The following SLC24A2 variants were observed in gnomAD, a reference collection of about 807,000 sequenced individuals.
The protein encoded by SLC24A2 is sodium/potassium/calcium exchanger 2.
SLC24A2 carries 36 observed loss-of-function variants against 62.0 expected under a neutral mutation model. That is an observed-to-expected ratio of 0.58 (90% CI 0.44 to 0.77). The LOEUF is 0.77. Among genes scored for constraint, SLC24A2 ranks in the 30% least tolerant of loss-of-function variants. The pLI, the probability that SLC24A2 is intolerant of heterozygous loss-of-function variation, is 0.00. For synonymous variants in SLC24A2, 358 were observed against 294.0 expected (o/e 1.22, Z -2.23); for missense variants, 846 against 817.9 (o/e 1.03, Z -0.42).
the SLC24A2 span, among the ~76,000 whole-genome samples, chr9:19,982,378 G>C: frequency 6.6e-6 from 1 of 152,184 alleles, no homozygotes; most frequent in Non-Finnish European, 1.5e-5. Context: ...AGCACAGTCA[G>C]TTCACAAAAG....
the SLC24A2 span, among the ~76,000 whole-genome samples, chr9:20,088,098 C>T: frequency 6.6e-6 from 1 of 152,314 alleles, no homozygotes; most frequent in Admixed American, 6.5e-5. Flanking sequence ...GATACCTGGG[C>T]TTCCCAGGAA....
At chr9:20,217,669 TAG>T in the SLC24A2 span, among the ~76,000 whole-genome samples, 2,066 of 152,282 alleles carry the variant, frequency 0.014, 23 homozygotes, top group Non-Finnish European at 0.02. Flanking sequence ...GAAACTGCAC[TAG>T]AGACTCCATT....
chr9:19,730,271 T>C (rs1564067987), intron 2 of SLC24A2, among the ~76,000 whole-genome samples: 1 of 152,204 alleles, frequency 6.6e-6, no homozygotes, highest in African/African-American at 2.4e-5. Context: ...CTTGGCAATA[T>C]GTATCAAGAT....
the SLC24A2 span, among the ~76,000 whole-genome samples, chr9:20,277,905 C>T: frequency 7.6e-4 from 116 of 152,222 alleles, no homozygotes; most frequent in Admixed American, 5.8e-3. Flanking sequence ...ACTATGCAAT[C>T]ATAAAAAAGG....
intron 4 of SLC24A2, among the ~76,000 whole-genome samples, chr9:19,619,077 T>C (rs1431899461): frequency 1.3e-5 from 2 of 152,150 alleles, no homozygotes; most frequent in African/African-American, 2.4e-5. Flanking sequence ...TTTAGATGCA[T>C]AGATGCTCAC....
the SLC24A2 span, among the ~76,000 whole-genome samples, chr9:20,143,914 G>A: frequency 0.018 from 2,776 of 152,210 alleles, 34 homozygotes; most frequent in Middle Eastern, 0.061. Context: ...CAACACTGCC[G>A]TGCCTTCCTG....
At chr9:20,080,790 A>T in the SLC24A2 span, among the ~76,000 whole-genome samples, 2 of 151,854 alleles carry the variant, frequency 1.3e-5, no homozygotes, top group Non-Finnish European at 2.9e-5. Flanking sequence ...AGAAAAAAAC[A>T]AACAACCCCA....
At chr9:19,564,144 C>T (rs536286576) in intron 7 of SLC24A2, among the ~76,000 whole-genome samples, 4 of 152,030 alleles carry the variant, frequency 2.6e-5, no homozygotes, top group African/African-American at 9.7e-5. Flanking sequence ...AGGTGTGAGC[C>T]ACCATGCCTG....
chr9:19,552,833 A>G (rs1173420093), intron 7 of SLC24A2, among the ~76,000 whole-genome samples: 1 of 152,252 alleles, frequency 6.6e-6, no homozygotes, highest in Non-Finnish European at 1.5e-5. Context: ...CATTGCCACT[A>G]GCAAATAGCA....
the SLC24A2 span, among the ~76,000 whole-genome samples, chr9:20,255,812 G>A: frequency 6.6e-6 from 1 of 152,172 alleles, no homozygotes; most frequent in African/African-American, 2.4e-5. Flanking sequence ...AGAATTCATG[G>A]TCATACTTAA....
At chr9:19,521,728 T>G (rs1299975312) in intron 9 of SLC24A2, among the ~76,000 whole-genome samples, 1 of 152,166 alleles carries the variant, frequency 6.6e-6, no homozygotes, top group East Asian at 1.9e-4. Context: ...ATCCTCACTT[T>G]CTCATCCATA....
chr9:19,642,248 G>A (rs1261646816), intron 2 of SLC24A2, among the ~76,000 whole-genome samples: 1 of 152,154 alleles, frequency 6.6e-6, no homozygotes, highest in African/African-American at 2.4e-5. Flanking sequence ...TACCAGCTGG[G>A]TCTGCACAGC....
the SLC24A2 span, among the ~76,000 whole-genome samples, chr9:20,258,824 T>C: frequency 0.034 from 4,831 of 143,404 alleles, 71 homozygotes; most frequent in Middle Eastern, 0.073. Context: ...ACCTTATCTA[T>C]CTATCTATCT....
chr9:20,294,384 G>T, the SLC24A2 span, among the ~76,000 whole-genome samples: 1 of 152,164 alleles, frequency 6.6e-6, no homozygotes, highest in Non-Finnish European at 1.5e-5. Context: ...GGGGCTGATT[G>T]TTGCTTCCCA....
intron 2 of SLC24A2, among the ~76,000 whole-genome samples, chr9:19,761,174 CA>C (rs1324500647): frequency 1.3e-5 from 2 of 152,100 alleles, no homozygotes; most frequent in Non-Finnish European, 2.9e-5. Flanking sequence ...GGTATGTACC[CA>C]GTAATTAGAT....
chr9:19,647,047 TCC>T (rs1491543246), intron 2 of SLC24A2, among the ~76,000 whole-genome samples: 34 of 134,328 alleles, frequency 2.5e-4, no homozygotes, highest in African/African-American at 8.2e-4. Context: ...TCTCTCTCTT[TCC>T]ACACACACAC....
chr9:19,674,714 G>A (rs1000176497), intron 2 of SLC24A2, among the ~76,000 whole-genome samples: 1 of 152,088 alleles, frequency 6.6e-6, no homozygotes, highest in African/African-American at 2.4e-5. Context: ...CAGAAGTTAT[G>A]ATTTTTAATG....
the SLC24A2 span, among the ~76,000 whole-genome samples, chr9:20,040,116 C>T: frequency 1.3e-5 from 2 of 152,152 alleles, no homozygotes; most frequent in Non-Finnish European, 2.9e-5. Context: ...AAGGTATGTG[C>T]TCAACAAATG....
At chr9:19,744,514 A>G (rs1364378058) in intron 2 of SLC24A2, among the ~76,000 whole-genome samples, 1 of 152,156 alleles carries the variant, frequency 6.6e-6, no homozygotes, top group Non-Finnish European at 1.5e-5. Context: ...AGGACCAGAC[A>G]GGGGTTGTTT....
Sources: gnomAD v4.1 joint callset for allele counts (sites outside exome capture counted in the v4.1 genomes callset) on GRCh38, gnomAD v4.1.1 for gene constraint, MANE v1.5 for transcripts, NCBI Gene and HGNC (gene_info 2026-07-23, HGNC 2026-07-21) for gene names.